The following DOP1B variants were observed in gnomAD, a reference collection of about 807,000 sequenced individuals.
DOP1B encodes protein DOP1B.
A neutral mutation model predicts 233.5 loss-of-function variants in DOP1B; 174 were observed. The ratio of observed to expected loss-of-function variants is 0.75; its 90% CI spans 0.66 to 0.85. DOP1B has a LOEUF of 0.85. Among genes scored for constraint, DOP1B ranks in the 40% least tolerant of loss-of-function variants. The pLI, the probability that DOP1B is intolerant of heterozygous loss-of-function variation, is 0.00. For synonymous variants in DOP1B, 1,190 were observed against 1,185.6 expected, an observed-to-expected ratio of 1.00 and a Z score of -0.08; for missense variants, 2,652 against 2,846.6, an observed-to-expected ratio of 0.93 and a Z score of 1.56.
chr21:36,183,720 A>G (rs2066129216), intron 2 of DOP1B, among the ~76,000 whole-genome samples: 1 of 152,196 alleles, frequency 6.6e-6, no homozygotes, highest in Non-Finnish European at 1.5e-5. Context: ...TCTGCCAGCC[A>G]CAGCACTCTG....
intron 10 of DOP1B, among the ~76,000 whole-genome samples, chr21:36,221,690 C>T (rs2066624628): frequency 6.6e-6 from 1 of 151,978 alleles, no homozygotes; most frequent in Admixed American, 6.5e-5. Context: ...ATTCTCCTGC[C>T]TCAGCCTCCT....
At chr21:36,214,048 T>C (rs1439296103) in intron 7 of DOP1B, 33 bp from the exon 8 acceptor site, 4 of 1,506,542 alleles carry the variant, frequency 2.7e-6, no homozygotes. Context: ...AAAGCACAGC[T>C]CTCTTTACAG....
chr21:36,201,161 T>C (rs1026808990), intron 4 of DOP1B, among the ~76,000 whole-genome samples: 9 of 151,898 alleles, frequency 5.9e-5, no homozygotes, highest in Non-Finnish European at 1.5e-5. Flanking sequence ...GTGGAGGAAA[T>C]GAAGGGACCC....
intron 35 of DOP1B, among the ~76,000 whole-genome samples, chr21:36,290,663 G>A (rs2146260972): frequency 6.6e-6 from 1 of 152,200 alleles, no homozygotes; most frequent in Non-Finnish European, 1.5e-5. Context: ...GGTGGCGTAT[G>A]CCTGTAATCC....
intron 24 of DOP1B, chr21:36,261,402 T>C (rs2067169949): frequency 2.0e-6 from 2 of 993,044 alleles, no homozygotes; most frequent in Non-Finnish European, 2.4e-6. Context: ...TGATTGTTTC[T>C]GGTGGCGTTC....
At chr21:36,224,021 A>G (rs1375297373) in intron 11 of DOP1B, among the ~76,000 whole-genome samples, 1 of 152,134 alleles carries the variant, frequency 6.6e-6, no homozygotes, top group Non-Finnish European at 1.5e-5. Flanking sequence ...CTCAGCTGCT[A>G]CCACTACACT....
rs545152850 is a variant in DOP1B at position 36,259,989 on chromosome 21, T to C, written c.5260-688T>C. On this transcript the variant is annotated intron_variant, in intron 23 of 36. Transcript: ENST00000691173. ...TTTGGGGAAGCTGTCTGAGCTGGGC[T>C]TGGAGTCATCTTCTAAACTAAGAAC... Among the ~76,000 whole-genome samples the C allele has an allele frequency of 4.6e-5, 7 of 152,092 alleles. No homozygotes were observed. The South Asian group carries it at 1.5e-3, about 32-fold the overall frequency.
In DOP1B at chr21:36,253,770, A is replaced by T; in HGVS notation, c.5122-2A>T. On this transcript the variant is annotated splice_acceptor_variant, in intron 22 of 36. Transcript: ENST00000691173. LOFTEE classifies it high-confidence loss of function. ...TCAAGGAACTTTTTTTTTTCTTGGCAGATTATCCCAACGGCAAGTGCATCC... is the reference window on the plus strand; with the variant it reads ...TCAAGGAACTTTTTTTTTTCTTGGCTGATTATCCCAACGGCAAGTGCATCC... 1 of 1,601,296 alleles carries T rather than the reference A, an allele frequency of 6.2e-7. No individual in the cohort carries two copies. The highest frequency in any genetic ancestry group is 1.8e-5 in the Admixed American group (1 of 57,072).
In DOP1B at chr21:36,169,199, T is replaced by A. The variant is rs761535223; in HGVS notation, c.138+4328T>A. On this transcript the variant is annotated intron_variant, in intron 2 of 36. Transcript: ENST00000691173. ...ACAGCCTTTCAGCATAACAGAGTTA[T>A]TGGTCACTTCACCATAGTGGACAAA... 6.7e-6 allele frequency: 7 copies of A among 1,042,990 alleles called. No homozygotes were observed. The African/African-American group carries it at 7.8e-5, about 12-fold the overall frequency. The allele number at this position is 1,042,990 out of a possible 1,614,324, so 64.6% of individuals were successfully genotyped here. A position where few individuals can be genotyped will look rare whatever the true frequency, so the allele number is the denominator to read the frequency against.
At chr21:36,270,578 A>AAAAAG (rs2067277104) in intron 27 of DOP1B, among the ~76,000 whole-genome samples, 1 of 144,610 alleles carries the variant, frequency 6.9e-6, no homozygotes, top group Admixed American at 6.9e-5. Flanking sequence ...AAAAAAAAAA[A>AAAAAG]GTATTTAGAG....
chr21:36,206,914 A>G (rs893286912), intron 4 of DOP1B, among the ~76,000 whole-genome samples: 3 of 152,190 alleles, frequency 2.0e-5, no homozygotes, highest in South Asian at 2.1e-4. Flanking sequence ...AGACGGTACC[A>G]TGCATTATTT....
At chr21:36,240,340 C>T (rs562001466) in intron 18 of DOP1B, among the ~76,000 whole-genome samples, 59 of 152,060 alleles carry the variant, frequency 3.9e-4, no homozygotes, top group Non-Finnish European at 7.6e-4. Flanking sequence ...ATTAGCCGGG[C>T]GTGGTGGTAC....
chr21:36,209,015 G>A, intron 5 of DOP1B, 111 bp downstream of exon 5: 2 of 1,238,698 alleles, frequency 1.6e-6, no homozygotes, highest in Non-Finnish European at 2.1e-6. Flanking sequence ...AAAGGGAGGT[G>A]CACCAAGCTT....
intron 9 of DOP1B, among the ~76,000 whole-genome samples, chr21:36,219,168 A>C (rs571716795): frequency 1.3e-5 from 2 of 152,356 alleles, no homozygotes; most frequent in East Asian, 1.9e-4. Context: ...AGGAAGTTCT[A>C]CAAAAATGTT....
chr21:36,287,731 C>T (rs549355110), intron 32 of DOP1B, among the ~76,000 whole-genome samples: 5 of 151,724 alleles, frequency 3.3e-5, no homozygotes, highest in South Asian at 2.1e-4. Context: ...GGACTACAGG[C>T]GCCCACCACC....
chr21:36,270,056 G>A lies in DOP1B; in HGVS notation c.5531G>A (p.Gly1844Asp), dbSNP rs2123657213. Reference protein sequence around the residue: ...KILEAVGNIAGSSLEQTSWLS... With the variant: ...KILEAVGNIADSSLEQTSWLS... ...CTAGAAGCTGTGGGGAACATTGCCGGCTCTTCCTTGGAGCAAACCAGCTGG... is the reference window on the plus strand; with the variant it reads ...CTAGAAGCTGTGGGGAACATTGCCGACTCTTCCTTGGAGCAAACCAGCTGG... Residue 1844 changes from glycine to aspartate, a missense_variant, in exon 27 of 37, where the codon GGC becomes GAC. Around this residue, in one of 3 missense-constraint regions of DOP1B, gnomAD observed 2,617 missense variants for 2,794.3 expected, o/e 0.94. Transcript: ENST00000691173. 1 of 1,614,062 alleles carries A rather than the reference G, an allele frequency of 6.2e-7. No individual in the cohort carries two copies. The highest frequency in any genetic ancestry group is 8.5e-7 in the Non-Finnish European group (1 of 1,179,998).
intron 3 of DOP1B, 79 bp downstream of exon 3, chr21:36,199,330 A>G (rs1325785772): frequency 6.5e-7 from 1 of 1,531,118 alleles, no homozygotes; most frequent in Non-Finnish European, 8.8e-7. Context: ...GAAAATGACA[A>G]ACAGGCAAAA....
chr21:36,205,118 C>T (rs146608012), intron 4 of DOP1B, among the ~76,000 whole-genome samples: 121 of 152,272 alleles, frequency 7.9e-4, no homozygotes, highest in African/African-American at 2.6e-3. Flanking sequence ...TGTACCAAAG[C>T]GGTGCTGTCT....
chr21:36,163,727 G>A (rs2065887113), intron 1 of DOP1B, among the ~76,000 whole-genome samples: 1 of 152,210 alleles, frequency 6.6e-6, no homozygotes, highest in African/African-American at 2.4e-5. Context: ...TGATAGAACA[G>A]TGGCTTAAAC....
Sources: gnomAD v4.1 joint callset for allele counts (sites outside exome capture counted in the v4.1 genomes callset) on GRCh38, gnomAD v4.1.1 for gene constraint, gnomAD v4.1.1 regional missense constraint, MANE v1.5 for transcripts, NCBI Gene and HGNC (gene_info 2026-07-23, HGNC 2026-07-21) for gene names.